The following FLNB variants were observed in gnomAD, a reference collection of about 807,000 sequenced individuals.
The protein encoded by FLNB is filamin-B.
In FLNB, 111 loss-of-function variants were observed where a neutral mutation model predicts 250.6. The ratio of observed to expected loss-of-function variants is 0.44; its 90% CI spans 0.38 to 0.52. FLNB has a LOEUF of 0.52. Ranked by LOEUF, FLNB falls within the 20% of genes least tolerant of loss-of-function variation. FLNB has a pLI of 0.00. For missense variants in FLNB, 2,869 were observed against 3,447.8 expected, an observed-to-expected ratio of 0.83 and a Z score of 4.20; for synonymous variants, 1,302 against 1,372.1, an observed-to-expected ratio of 0.95 and a Z score of 1.13.
intron 1 of FLNB, among the ~76,000 whole-genome samples, chr3:58,063,455 A>G (rs2097181289): frequency 6.6e-6 from 1 of 152,128 alleles, no homozygotes. Flanking sequence ...TTGGGGATAT[A>G]AAGTTGAGCC....
At chr3:58,056,816 C>A (rs1231516455) in intron 1 of FLNB, among the ~76,000 whole-genome samples, 1 of 152,038 alleles carries the variant, frequency 6.6e-6, no homozygotes, top group Admixed American at 6.6e-5. Context: ...GTCTTGATCT[C>A]CTGACCTCCT....
chr3:58,040,312 A>G (rs1266669787), intron 1 of FLNB, among the ~76,000 whole-genome samples: 4 of 151,938 alleles, frequency 2.6e-5, no homozygotes, highest in Non-Finnish European at 5.9e-5. Context: ...GTGAGTAAAC[A>G]GTTACCTTCT....
intron 1 of FLNB, among the ~76,000 whole-genome samples, chr3:58,030,491 A>C (rs2106755087): frequency 6.6e-6 from 1 of 152,262 alleles, no homozygotes; most frequent in East Asian, 1.9e-4. Flanking sequence ...CTGACCAATC[A>C]GGCCTTCCCA....
chr3:58,116,159 ACT>A (rs1468320358), intron 18 of FLNB, among the ~76,000 whole-genome samples: 3 of 151,938 alleles, frequency 2.0e-5, no homozygotes, highest in African/African-American at 7.3e-5. Flanking sequence ...TCTCCTTTGA[ACT>A]CTGTTTTCTG....
intron 2 of FLNB, chr3:58,078,243 C>T: frequency 7.4e-7 from 1 of 1,356,980 alleles, no homozygotes; most frequent in South Asian, 2.0e-5. Context: ...CCAATTTAAA[C>T]CTGGGAGTTT....
At chr3:58,146,176 G>A (rs1032567501) in intron 33 of FLNB, 127 bp downstream of exon 33, 23 of 1,084,338 alleles carry the variant, frequency 2.1e-5, no homozygotes, top group Middle Eastern at 2.6e-4. Flanking sequence ...CTTTTCTCTC[G>A]TGTAAATCTG....
rs775545607 is a variant in FLNB, at chr3:58,097,823, C to T, written c.993C>T (p.Val331=). 6.2e-7 allele frequency: 1 copy of T among 1,614,002 alleles called. No individual in the cohort carries two copies. The highest frequency in any genetic ancestry group is 8.5e-7 in the Non-Finnish European group (1 of 1,179,966). Residue 331 remains valine, a synonymous_variant, in exon 7 of 46, where the codon GTC becomes GTT. Coordinates refer to ENST00000295956, the MANE Select transcript of FLNB (RefSeq NM_001457.4). The part of the protein sequence containing the change: ...PKVTGLHKVT[V]LFAGQHISKS... ...CTATCTGTCACCTATAGGTCACAGTCCTCTTTGCAGGACAGCACATCTCCA... is the reference window on the plus strand; with the variant it reads ...CTATCTGTCACCTATAGGTCACAGTTCTCTTTGCAGGACAGCACATCTCCA...
At position 58,130,801 on chromosome 3, in the gene FLNB, GC is replaced by G; in HGVS notation, c.4287del (p.Leu1431TrpfsTer27). 1.9e-6 allele frequency: 3 copies of G among 1,613,898 alleles called. No individual in the cohort carries two copies. Among genetic ancestry groups the G allele is most frequent in the South Asian group, 1.1e-5 (1 of 91,008 alleles). On this transcript the variant is annotated frameshift_variant, in exon 25 of 46. Coordinates refer to ENST00000295956, the MANE Select transcript of FLNB (RefSeq NM_001457.4). LOFTEE classifies it high-confidence loss of function. ...GACCCCAGCAAGGTCAAGATTGCCG[GC>G]CCCGGGCTGGGCTCAGGCGTCCGAG... The part of the protein sequence containing the change: ...VVDPSKVKIA[G>X]PGLGSGVRAR...
chr3:58,169,819 T>TGGGG lies in FLNB; in HGVS notation c.7621+27_7621+30dup. On this transcript the variant is annotated intron_variant, in intron 45 of 45. Coordinates refer to ENST00000295956, the MANE Select transcript of FLNB (RefSeq NM_001457.4). The surrounding 1 kb of genome is among the most constrained non-coding windows in gnomAD (Gnocchi z 4.8). The stretch of plus-strand genomic sequence containing the variant: ...GTAGGTGTCTGGGCCTTTTCAAGGG[T>TGGGG]GGGGTGGGGCAGGGGCAGGCTGGGC... 2.6e-6 allele frequency: 2 copies of TGGGG among 762,968 alleles called. No homozygotes were observed. Among genetic ancestry groups the TGGGG allele is most frequent in the Non-Finnish European group, 4.4e-6 (2 of 458,998 alleles). The allele number at this position is 762,968 out of a possible 1,614,324, so 47.3% of individuals were successfully genotyped here. A position where few individuals can be genotyped will look rare whatever the true frequency, so the allele number is the denominator to read the frequency against.
chr3:58,078,659 TTC>T, intron 2 of FLNB, 56 bp from the exon 3 acceptor site: 1 of 1,549,744 alleles, frequency 6.5e-7, no homozygotes. Flanking sequence ...GGCACATGGT[TTC>T]CTTTAATCTC....
rs781370970 is a variant in FLNB at position 58,125,726 on chromosome 3, C to G, written c.4044C>G (p.Val1348=). The G allele has an allele frequency of 6.2e-7, 1 of 1,614,076 alleles. No homozygotes were observed. Among genetic ancestry groups the G allele is most frequent in the African/African-American group, 1.3e-5 (1 of 74,934 alleles). ...AGGCCTTTACCAACAAGCCCAATGTCTTCACCGTGGTTACCAGGTAGGCAA... is the reference window on the plus strand; with the variant it reads ...AGGCCTTTACCAACAAGCCCAATGTGTTCACCGTGGTTACCAGGTAGGCAA... ...LKEAFTNKPN[V]FTVVTRGAGI... The change falls in exon 23 of 46, where the codon GTC becomes GTG. Residue 1348 remains valine, a synonymous_variant. Transcript: ENST00000295956.
At chr3:58,125,510 A>G in intron 22 of FLNB, 71 bp from the exon 23 acceptor site, 1 of 1,537,112 alleles carries the variant, frequency 6.5e-7, no homozygotes, top group Non-Finnish European at 9.0e-7. Flanking sequence ...GAAACTCTGA[A>G]GTAGAGAATC....
intron 38 of FLNB, chr3:58,152,843 C>T (rs2097347518): frequency 5.8e-6 from 5 of 862,226 alleles, no homozygotes; most frequent in Non-Finnish European, 8.2e-6. Context: ...CAGGCACAGT[C>T]GTTGGCATGA....
intron 32 of FLNB, among the ~76,000 whole-genome samples, chr3:58,144,564 G>A (rs1292239417): frequency 6.6e-6 from 1 of 152,132 alleles, no homozygotes; most frequent in Non-Finnish European, 1.5e-5. Flanking sequence ...TGCGCAAATC[G>A]ACTTTTCCCC....
chr3:58,170,024 G>T lies in FLNB; in HGVS notation c.7621+231G>T, dbSNP rs372981616. On this transcript the variant is annotated intron_variant, in intron 45 of 45. Transcript: ENST00000295956. ...TTTATTTGGGTTTCAAGGGTCGGTT[G>T]CCTGGGTTCTGGCATCCAGTACACC... Among the ~76,000 whole-genome samples, 46 of 152,324 alleles carry T rather than the reference G, an allele frequency of 3.0e-4. No individual in the cohort carries two copies. The South Asian group carries it at 4.6e-3, about 15-fold the overall frequency.
At chr3:58,121,578 C>G in intron 20 of FLNB, 75 bp downstream of exon 20, 1 of 1,571,144 alleles carries the variant, frequency 6.4e-7, no homozygotes, top group South Asian at 1.1e-5. Flanking sequence ...TCTGGTTCTT[C>G]CTGGCAAAGA....
At chr3:58,087,661 A>G (rs1418000092) in intron 4 of FLNB, among the ~76,000 whole-genome samples, 1 of 152,012 alleles carries the variant, frequency 6.6e-6, no homozygotes, top group Non-Finnish European at 1.5e-5. Flanking sequence ...CATCTTGGCC[A>G]GGCTGGTCTT....
At chr3:58,023,111 CTTTT>C (rs61047967) in intron 1 of FLNB, among the ~76,000 whole-genome samples, 2 of 97,378 alleles carry the variant, frequency 2.1e-5, no homozygotes, top group Non-Finnish European at 3.9e-5. Context: ...CGAACTCGGC[CTTTT>C]TTTTTTTTTT....
chr3:58,097,754 T>G, intron 6 of FLNB, 61 bp from the exon 7 acceptor site: 1 of 1,513,988 alleles, frequency 6.6e-7, no homozygotes, highest in Admixed American at 1.7e-5. Context: ...TGTGGCTTGA[T>G]GTCAGTCTTG....
Sources: gnomAD v4.1 joint callset for allele counts (sites outside exome capture counted in the v4.1 genomes callset) on GRCh38, gnomAD v4.1.1 for gene constraint, Gnocchi (gnomAD v3.1) non-coding constraint, MANE v1.5 for transcripts, NCBI Gene and HGNC (gene_info 2026-07-23, HGNC 2026-07-21) for gene names.